The following LRIT3 variants were observed in gnomAD, a reference collection of about 807,000 sequenced individuals.
The protein encoded by LRIT3 is leucine-rich repeat, immunoglobulin-like domain and transmembrane domain-containing protein 3.
LRIT3 carries 14 observed loss-of-function variants against 22.6 expected under a neutral mutation model. The observed-to-expected ratio is 0.62, with a 90% CI of 0.41 to 0.97. The LOEUF is 0.97. LRIT3 is among the 50% of genes least tolerant of loss of function. The pLI, the probability that LRIT3 is intolerant of heterozygous loss-of-function variation, is 0.00. For missense variants in LRIT3, 783 were observed against 803.0 expected (o/e 0.98, Z 0.30); for synonymous variants, 306 against 304.5 (o/e 1.01, Z -0.05).
At chr4:109,865,243 A>T (rs1303901668) in intron 2 of LRIT3, 5 of 1,560,652 alleles carry the variant, frequency 3.2e-6, no homozygotes, top group Non-Finnish European at 4.4e-6. Flanking sequence ...CTAATGGTTG[A>T]GCCTCATCAG....
intron 2 of LRIT3, among the ~76,000 whole-genome samples, chr4:109,856,403 T>C (rs1213311170): frequency 6.6e-6 from 1 of 152,160 alleles, no homozygotes; most frequent in African/African-American, 2.4e-5. Context: ...GCACAAATTA[T>C]ACACAGAACA....
chr4:109,849,308 C>T (rs868524451), intron 1 of LRIT3, among the ~76,000 whole-genome samples: 4 of 152,134 alleles, frequency 2.6e-5, no homozygotes, highest in African/African-American at 2.4e-5. Flanking sequence ...TGTCCAGGGA[C>T]GTGTAGCAGT....
At chr4:109,855,238 G>A (rs1480403850) in intron 2 of LRIT3, among the ~76,000 whole-genome samples, 1 of 152,106 alleles carries the variant, frequency 6.6e-6, no homozygotes, top group Non-Finnish European at 1.5e-5. Flanking sequence ...TGTCTATTCA[G>A]GGATTCAACT....
intron 3 of LRIT3, 137 bp from the exon 4 acceptor site, chr4:109,869,508 G>A (rs1734766676): frequency 1.3e-6 from 1 of 780,136 alleles, no homozygotes; most frequent in Non-Finnish European, 2.0e-6. Flanking sequence ...CACTGTCAGA[G>A]ACTTGCAGGG....
chr4:109,850,617 C>T (rs1001459397), intron 1 of LRIT3, among the ~76,000 whole-genome samples: 2 of 151,510 alleles, frequency 1.3e-5, no homozygotes, highest in Admixed American at 6.6e-5. Flanking sequence ...GGTAGGATTA[C>T]AGGTACCTAC....
intron 2 of LRIT3, among the ~76,000 whole-genome samples, chr4:109,859,251 GT>G (rs2125899129): frequency 6.6e-6 from 1 of 152,264 alleles, no homozygotes; most frequent in East Asian, 1.9e-4. Context: ...TTATTATTAA[GT>G]TTAGTGAGGG....
rs181224635 is a variant in LRIT3 at position 109,855,628 on chromosome 4, T to C, written c.589+3652T>C. 9.1e-3 allele frequency among the ~76,000 whole-genome samples: 1,384 copies of C among 152,294 alleles called. 84 individuals are homozygous for C. The highest frequency in any genetic ancestry group is 0.084 in the Admixed American group (1,288 of 15,296). Reference sequence around the variant, plus strand: ...GCTTCTCTAGTTCTTTTAATTGTGATGTTAGGGTGTCAATTTTAGATCTTT... The same window carrying C: ...GCTTCTCTAGTTCTTTTAATTGTGACGTTAGGGTGTCAATTTTAGATCTTT... On this transcript the variant is annotated intron_variant, in intron 2 of 3. Coordinates refer to ENST00000594814, the MANE Select transcript of LRIT3 (RefSeq NM_198506.5).
In LRIT3 at chr4:109,848,134, G is replaced by A; in HGVS notation, c.-68G>A. ...TACTAAATGGCTGTTTGTATTCCAGGCATACCAGGTTCTGAATGCTTAGGA... is the reference window on the plus strand; with the variant it reads ...TACTAAATGGCTGTTTGTATTCCAGACATACCAGGTTCTGAATGCTTAGGA... On this transcript the variant is annotated 5_prime_UTR_variant, in exon 1 of 4. Coordinates refer to ENST00000594814, the MANE Select transcript of LRIT3 (RefSeq NM_198506.5). 1 of 726,698 alleles carries A rather than the reference G, an allele frequency of 1.4e-6. No homozygotes were observed. The allele number at this position is 726,698 out of a possible 1,614,324, so 45.0% of individuals were successfully genotyped here.
Position 109,864,983 on chromosome 4 carries a change from T to C in LRIT3, c.590-2658T>C, listed in dbSNP as rs760535897. 132 of 1,018,710 alleles carry C rather than the reference T, an allele frequency of 1.3e-4. 1 individual carries two copies. In the East Asian group the frequency reaches 1.4e-3, roughly 11 times the overall value. The allele number at this position is 1,018,710 out of a possible 1,614,324, so 63.1% of individuals were successfully genotyped here. On this transcript the variant is annotated intron_variant, in intron 2 of 3. Coordinates refer to ENST00000594814, the MANE Select transcript of LRIT3 (RefSeq NM_198506.5). The stretch of plus-strand genomic sequence containing the variant: ...AGATTATCTTTAGCACCTCAATCAA[T>C]AGAGATAAAAATGTTACAAATTAGG...
At chr4:109,850,099 G>T (rs150383172) in intron 1 of LRIT3, among the ~76,000 whole-genome samples, 250 of 152,264 alleles carry the variant, frequency 1.6e-3, no homozygotes, top group Non-Finnish European at 2.7e-3. Context: ...TGCTGCTTAC[G>T]TGTGTATACA....
At position 109,870,068 on chromosome 4, in the gene LRIT3, G is replaced by C. The variant is rs757351189; in HGVS notation, c.1319G>C (p.Arg440Pro). 8.7e-6 allele frequency: 14 copies of C among 1,614,084 alleles called. No individual in the cohort carries two copies. The highest frequency in any genetic ancestry group is 1.2e-5 in the Non-Finnish European group (14 of 1,180,034). The change falls in exon 4 of 4, where the codon CGA becomes CCA. Residue 440 changes from arginine to proline, a missense_variant. Physicochemically the swap from Arg to Pro is moderately radical, Grantham distance 103. Transcript: ENST00000594814. ...ISASTTMANK[R>P]SFQLHQGGKR... Reference sequence around the variant, plus strand: ...GCAAGTACCACCATGGCCAACAAGCGATCATTCCAGCTCCACCAAGGTGGG... The same window carrying C: ...GCAAGTACCACCATGGCCAACAAGCCATCATTCCAGCTCCACCAAGGTGGG...
intron 2 of LRIT3, among the ~76,000 whole-genome samples, chr4:109,861,610 G>T (rs1026516839): frequency 1.3e-5 from 2 of 152,034 alleles, no homozygotes; most frequent in African/African-American, 4.8e-5. Context: ...TTGCTTATGG[G>T]TCACTGTATA....
chr4:109,855,367 C>T (rs1386957627), intron 2 of LRIT3, among the ~76,000 whole-genome samples: 4 of 152,168 alleles, frequency 2.6e-5, no homozygotes, highest in Non-Finnish European at 5.9e-5. Flanking sequence ...GTTTGTATTT[C>T]TTTGGGATCA....
At chr4:109,863,375 G>T (rs1734596589) in intron 2 of LRIT3, among the ~76,000 whole-genome samples, 1 of 152,090 alleles carries the variant, frequency 6.6e-6, no homozygotes, top group Non-Finnish European at 1.5e-5. Flanking sequence ...CTGAACCTTG[G>T]TTTTCTCATC....
rs1215299551 is a variant in LRIT3 at position 109,870,656 on chromosome 4, C to T, written c.1907C>T (p.Ser636Phe). The stretch of plus-strand genomic sequence containing the variant: ...CAATTTGAGACCCTGTTTCCCAGGT[C>T]TCAAAGTGTAGGTGAGCTCTGGACA... The part of the protein sequence containing the change: ...YIQFETLFPR[S>F]QSVGELWTRS... Residue 636 changes from serine to phenylalanine, a missense_variant, in exon 4 of 4, where the codon TCT becomes TTT. By Grantham distance (155) the Ser-to-Phe change is radical. Around this residue, in one of 2 missense-constraint regions of LRIT3, gnomAD observed 756 missense variants for 753.8 expected, o/e 1.00. Coordinates refer to ENST00000594814, the MANE Select transcript of LRIT3 (RefSeq NM_198506.5). The T allele has an allele frequency of 6.2e-7, 1 of 1,614,092 alleles. No homozygotes were observed. Among genetic ancestry groups the T allele is most frequent in the Admixed American group, 1.7e-5 (1 of 60,012 alleles).
In LRIT3 at chr4:109,869,848, T is replaced by A. The variant is rs1696294200; in HGVS notation, c.1099T>A (p.Trp367Arg). The change falls in exon 4 of 4, where the codon TGG becomes AGG. Residue 367 changes from tryptophan to arginine, a missense_variant. By Grantham distance (101) the Trp-to-Arg change is moderately radical. This residue lies in a region of LRIT3 where 756 missense variants were observed against 753.8 expected (regional missense o/e 1.00). Coordinates refer to ENST00000594814, the MANE Select transcript of LRIT3 (RefSeq NM_198506.5). ...TGAAAGAACTGGAGATCATCCTGAG[T>A]GGGATGTCCAGCCGGGATCTGGAAG... ...TSERTGDHPE[W>R]DVQPGSGRST... The A allele has an allele frequency of 1.9e-6, 3 of 1,614,118 alleles. No homozygotes were observed. The highest frequency in any genetic ancestry group is 2.5e-6 in the Non-Finnish European group (3 of 1,180,008).
At chr4:109,863,446 C>G (rs781590114) in intron 2 of LRIT3, among the ~76,000 whole-genome samples, 2 of 152,154 alleles carry the variant, frequency 1.3e-5, no homozygotes, top group Non-Finnish European at 2.9e-5. Flanking sequence ...TTGAGTCAGT[C>G]CATCCTTCAG....
intron 2 of LRIT3, among the ~76,000 whole-genome samples, chr4:109,859,270 A>G (rs1240396061): frequency 6.6e-6 from 1 of 152,158 alleles, no homozygotes; most frequent in Non-Finnish European, 1.5e-5. Context: ...GGGTGGGGGT[A>G]GGTTAGTGAG....
intron 3 of LRIT3, among the ~76,000 whole-genome samples, 159 bp from the exon 4 acceptor site, chr4:109,869,486 A>C (rs1279061556): frequency 6.6e-6 from 1 of 152,220 alleles, no homozygotes; most frequent in Admixed American, 6.5e-5. Context: ...AGCAGTTTGC[A>C]GAACTATCAC....
Sources: allele counts gnomAD v4.1 joint callset (sites outside exome capture counted in the v4.1 genomes callset), GRCh38; gene constraint gnomAD v4.1.1; regional missense constraint gnomAD v4.1.1; transcripts MANE v1.5; gene names NCBI Gene and HGNC (gene_info 2026-07-23, HGNC 2026-07-21).